Variants in MDGA1 observed in about 807,000 individuals in gnomAD.
The protein encoded by MDGA1 is MAM domain-containing glycosylphosphatidylinositol anchor protein 1.
Under a neutral mutation model 101.5 loss-of-function variants are expected in MDGA1, and 54 were observed. The observed-to-expected ratio is 0.53, with a 90% CI of 0.43 to 0.67. The LOEUF is 0.67. MDGA1 is among the 30% of genes least tolerant of loss of function. MDGA1 has a pLI of 0.00. For missense variants in MDGA1, 1,083 were observed against 1,323.8 expected (o/e 0.82, Z 2.82); for synonymous variants, 533 against 558.3 (o/e 0.95, Z 0.64).
rs138772362 is a variant in MDGA1 at position 37,633,182 on chromosome 6, A to AAC, written c.*4184_*4185dup. On this transcript the variant is annotated 3_prime_UTR_variant, in exon 17 of 17. Coordinates refer to ENST00000434837, the MANE Select transcript of MDGA1 (RefSeq NM_153487.4). ...CAGGAAAGAGTGGTCCTTCTGCCCC[A>AAC]ACACACACACACACACACACAAACA... The AAC allele has an allele frequency of 0.019, 2,874 of 149,756 alleles. 37 individuals are homozygous for AAC. Among genetic ancestry groups the AAC allele is most frequent in the Middle Eastern group, 0.039 (11 of 284 alleles). 9.3% of individuals were successfully genotyped at this position (149,756 alleles called of 1,614,324 possible).
At chr6:37,648,474 G>C (rs2114014903) in intron 9 of MDGA1, 1 of 159,614 alleles carries the variant, frequency 6.3e-6, no homozygotes, top group South Asian at 2.0e-4. Flanking sequence ...AGCTGGGATT[G>C]GACCGAGCTG....
At chr6:37,658,575 C>A (rs987245832) in intron 2 of MDGA1, among the ~76,000 whole-genome samples, 156 bp from the exon 3 acceptor site, 1 of 152,204 alleles carries the variant, frequency 6.6e-6, no homozygotes, top group Non-Finnish European at 1.5e-5. Context: ...CAGACAGACT[C>A]GTGGGAATGC....
rs1763908047 is a variant in MDGA1, at chr6:37,635,495, G to A, written c.*1873C>T. 5 of 398,700 alleles carry A rather than the reference G, an allele frequency of 1.3e-5. No individual in the cohort carries two copies. The East Asian group carries it at 1.8e-4, about 14-fold the overall frequency. The allele number at this position is 398,700 out of a possible 1,614,324, so 24.7% of individuals were successfully genotyped here. On this transcript the variant is annotated 3_prime_UTR_variant, in exon 17 of 17. Coordinates refer to ENST00000434837, the MANE Select transcript of MDGA1 (RefSeq NM_153487.4). ...CAGAGGCCTTGACTGGGTCAGGAAG[G>A]CAGCCGTGCTGATTGGGCATCAGAA...
Position 37,635,821 on chromosome 6 carries a change from A to C in MDGA1, c.*1547T>G. The stretch of plus-strand genomic sequence containing the variant: ...ATCGCAGGCAGCTTGAGACTACAGA[A>C]CAGGGCTGGACAGAGTCTATTCAGC... On this transcript the variant is annotated 3_prime_UTR_variant, in exon 17 of 17. Transcript: ENST00000434837. 2.5e-6 allele frequency: 1 copy of C among 398,136 alleles called. No individual in the cohort carries two copies. Among genetic ancestry groups the C allele is most frequent in the Non-Finnish European group, 4.4e-6 (1 of 226,082 alleles). The allele number at this position is 398,136 out of a possible 1,614,324, so 24.7% of individuals were successfully genotyped here. A position where few individuals can be genotyped will look rare whatever the true frequency, so the allele number is the denominator to read the frequency against.
intron 14 of MDGA1, among the ~76,000 whole-genome samples, chr6:37,641,188 C>G (rs1257760984): frequency 6.6e-6 from 1 of 152,190 alleles, no homozygotes; most frequent in Non-Finnish European, 1.5e-5. Flanking sequence ...TCATCCCAGG[C>G]AGGTAACATT....
chr6:37,650,248 G>A lies in MDGA1; in HGVS notation c.1470C>T (p.Pro490=), dbSNP rs373849778. ...KEAALLPSGL[P]LEETPDGKLR... Reference sequence around the variant, plus strand: ...GCTTCCCGTCCGGAGTCTCCTCCAGGGGCAGCCCCGAGGGCAGCAGTGCAG... The same window carrying A: ...GCTTCCCGTCCGGAGTCTCCTCCAGAGGCAGCCCCGAGGGCAGCAGTGCAG... Residue 490 remains proline (P), a synonymous_variant, in exon 8 of 17, where the codon CCC becomes CCT. Transcript: ENST00000434837. 2.3e-5 allele frequency: 37 copies of A among 1,610,204 alleles called. No homozygotes were observed. Among genetic ancestry groups the A allele is most frequent in the Non-Finnish European group, 3.1e-5 (36 of 1,179,246 alleles).
rs749222829 is a variant in MDGA1 at position 37,649,098 on chromosome 6, TCGG to T, written c.1775_1777del (p.Ala592del). 6 of 1,523,236 alleles carry T rather than the reference TCGG, an allele frequency of 3.9e-6. No individual in the cohort carries two copies. The highest frequency in any genetic ancestry group is 2.5e-5 in the East Asian group (1 of 39,224). The allele number at this position is 1,523,236 out of a possible 1,614,324, so 94.4% of individuals were successfully genotyped here. On this transcript the variant is annotated inframe_deletion, in exon 9 of 17. Transcript: ENST00000434837. ...GCGCAGCTCCGCGTGATCCGGCGCCTCGGCGGCGGCGGGAACAACAGGCGGCGG... is the reference window on the plus strand; with the variant it reads ...GCGCAGCTCCGCGTGATCCGGCGCCTCGGCGGCGGGAACAACAGGCGGCGG...
chr6:37,644,728 A>C lies in MDGA1; in HGVS notation c.2249-79T>G, dbSNP rs1764186152. The C allele has an allele frequency of 6.6e-6, 9 of 1,366,920 alleles. No homozygotes were observed. In the South Asian group the frequency reaches 1.5e-4, roughly 22 times the overall value. The allele number at this position is 1,366,920 out of a possible 1,614,324, so 84.7% of individuals were successfully genotyped here. A position where few individuals can be genotyped will look rare whatever the true frequency, so the allele number is the denominator to read the frequency against. On this transcript the variant is annotated intron_variant, in intron 12 of 16. Transcript: ENST00000434837. ...CCCAGCCTCGCCCCTCTCACCCCCC[A>C]GAGGCAGCTCCCATGCATCCAAGCA...
At chr6:37,686,291 C>A (rs1263497152) in intron 1 of MDGA1, among the ~76,000 whole-genome samples, 1 of 151,964 alleles carries the variant, frequency 6.6e-6, no homozygotes, top group African/African-American at 2.4e-5. Context: ...CTTTTGGTGA[C>A]CTTGAGGCAA....
chr6:37,666,318 C>G (rs1325576902), intron 1 of MDGA1, among the ~76,000 whole-genome samples: 1 of 149,300 alleles, frequency 6.7e-6, no homozygotes, highest in South Asian at 2.1e-4. Context: ...AGAGATCGAG[C>G]CACTGCACTC....
chr6:37,692,783 G>T (rs570799340), intron 1 of MDGA1, among the ~76,000 whole-genome samples: 186 of 152,022 alleles, frequency 1.2e-3, no homozygotes, highest in African/African-American at 4.4e-3. Context: ...TCACAGCCAG[G>T]CCTAGCCAAG....
chr6:37,657,541 T>A lies in MDGA1; in HGVS notation c.382+704A>T, dbSNP rs144460221. ...GCTGATGAGGGACAGAAGAGAGGTC[T>A]GGGGTGTCAGTGTTCATCACTCTAC... On this transcript the variant is annotated intron_variant, in intron 3 of 16. Transcript: ENST00000434837. Among the ~76,000 whole-genome samples, 809 of 152,312 alleles carry A rather than the reference T, an allele frequency of 5.3e-3. 2 individuals are homozygous for A. The highest frequency in any genetic ancestry group is 6.3e-3 in the Non-Finnish European group (430 of 68,022).
chr6:37,644,406 C>T (rs557564684), intron 13 of MDGA1, 91 bp downstream of exon 13: 5 of 1,297,206 alleles, frequency 3.9e-6, no homozygotes, highest in Non-Finnish European at 4.1e-6. Context: ...CAGACTGGAG[C>T]CGTCTCCCTT....
rs375576008 is a variant in MDGA1 at position 37,638,500 on chromosome 6, G to A, written c.2667+37C>T. 51 of 1,611,122 alleles carry A rather than the reference G, an allele frequency of 3.2e-5. No homozygotes were observed. The highest frequency in any genetic ancestry group is 2.0e-4 in the East Asian group (9 of 44,714). ...GTGTTTCCTGGCCACAGCAACCACC[G>A]AAGCCGGGGAGGGTCCTCTGGGCCC... On this transcript the variant is annotated intron_variant, in intron 15 of 16. Transcript: ENST00000434837. The surrounding 1 kb of genome is among the most constrained non-coding windows in gnomAD (Gnocchi z 4.8).
rs1040851874 is a variant in MDGA1 at position 37,655,252 on chromosome 6, C to T, written c.580-320G>A. On this transcript the variant is annotated intron_variant, in intron 4 of 16. Transcript: ENST00000434837. This position sits in a 1 kb window ranked among gnomAD's most constrained non-coding sequence, Gnocchi z 5.1. ...AGGGAACTTACTCGTACAACCCACA[C>T]AAACATGGGGCTGGCCTGCAGCCAC... is the stretch of plus-strand genomic sequence containing the variant. 3.4e-5 allele frequency: 14 copies of T among 415,158 alleles called. No individual in the cohort carries two copies. Among genetic ancestry groups the T allele is most frequent in the African/African-American group, 2.8e-4 (14 of 50,272 alleles). The allele number at this position is 415,158 out of a possible 1,614,324, so 25.7% of individuals were successfully genotyped here. A position where few individuals can be genotyped will look rare whatever the true frequency, so the allele number is the denominator to read the frequency against.
At chr6:37,662,961 C>T (rs1447458518) in intron 2 of MDGA1, among the ~76,000 whole-genome samples, 1 of 152,208 alleles carries the variant, frequency 6.6e-6, no homozygotes, top group African/African-American at 2.4e-5. Flanking sequence ...GTTTTCCCTT[C>T]TAAAACACTC....
rs964547256 is a variant in MDGA1, at chr6:37,696,094, G to A, written c.67+651C>T. 2.0e-5 allele frequency among the ~76,000 whole-genome samples: 3 copies of A among 152,202 alleles called. No individual in the cohort carries two copies. Among genetic ancestry groups the A allele is most frequent in the Non-Finnish European group, 2.9e-5 (2 of 68,034 alleles). The stretch of plus-strand genomic sequence containing the variant: ...CGTTTTCTGGGGATGGTGGCTGAAT[G>A]TATCTGTGTGTGCGCGCAGGAAGGA... On this transcript the variant is annotated intron_variant, in intron 1 of 16. Transcript: ENST00000434837. This position sits in a 1 kb window ranked among gnomAD's most constrained non-coding sequence, Gnocchi z 5.6.
chr6:37,660,586 G>A (rs1049375869), intron 2 of MDGA1, among the ~76,000 whole-genome samples: 1 of 152,032 alleles, frequency 6.6e-6, no homozygotes, highest in African/African-American at 2.4e-5. Flanking sequence ...TAGGATTTCT[G>A]TTTGCTAATT....
At chr6:37,664,906 C>CACACA (rs1761712840) in intron 1 of MDGA1, among the ~76,000 whole-genome samples, 2 of 147,590 alleles carry the variant, frequency 1.4e-5, no homozygotes, top group Non-Finnish European at 3.0e-5. Context: ...CACACACACA[C>CACACA]GGCTGCACAT....
Sources: gnomAD v4.1 joint callset for allele counts (sites outside exome capture counted in the v4.1 genomes callset) on GRCh38, gnomAD v4.1.1 for gene constraint, Gnocchi (gnomAD v3.1) non-coding constraint, MANE v1.5 for transcripts, NCBI Gene and HGNC (gene_info 2026-07-23, HGNC 2026-07-21) for gene names.